USP7: variants seen among roughly 807,000 people sequenced by gnomAD.
The protein encoded by USP7 is ubiquitin specific peptidase 7.
A neutral mutation model predicts 162.9 loss-of-function variants in USP7; 9 were observed. That is an observed-to-expected ratio of 0.06 (90% confidence interval 0.03 to 0.10). The LOEUF is 0.10. Ranked by LOEUF, USP7 falls within the 10% of genes least tolerant of loss-of-function variation. The pLI is 1.00. For synonymous variants in USP7, 562 were observed against 475.9 expected, an observed-to-expected ratio of 1.18 and a Z score of -2.35; for missense variants, 715 against 1,373.7, an observed-to-expected ratio of 0.52 and a Z score of 7.58.
intron 4 of USP7, 50 bp downstream of exon 4, chr16:8,921,107 C>A (rs755336658): frequency 5.1e-6 from 8 of 1,564,764 alleles, no homozygotes; most frequent in South Asian, 1.2e-5. Context: ...GTTAAGGGAA[C>A]AACAAGCAGT....
Position 8,934,529 on chromosome 16 carries a change from T to C in USP7, c.80-4132A>G, listed in dbSNP as rs545898856. On this transcript the variant is annotated intron_variant, in intron 1 of 30. Transcript: ENST00000344836. ...AGCAGTGGGATTAATTGCAGTGTGA[T>C]GACTAAAGAAAGCCTATTATTTTCT... 4.6e-5 allele frequency among the ~76,000 whole-genome samples: 7 copies of C among 152,354 alleles called. No homozygotes were observed. In the South Asian group the frequency reaches 1.4e-3, roughly 32 times the overall value.
chr16:8,904,359 GCTGA>G, intron 15 of USP7, 72 bp downstream of exon 15: 2 of 1,573,846 alleles, frequency 1.3e-6, no homozygotes, highest in Non-Finnish European at 1.7e-6. Context: ...AGGGGTGGGG[GCTGA>G]CCTGCACTTG....
intron 5 of USP7, among the ~76,000 whole-genome samples, 170 bp from the exon 6 acceptor site, chr16:8,919,309 G>C (rs1390472710): frequency 1.3e-5 from 2 of 151,908 alleles, no homozygotes; most frequent in African/African-American, 4.8e-5. Flanking sequence ...TCCAGTGTGT[G>C]AACTGGTGCA....
At chr16:8,896,900 G>A (rs1201831070) in intron 26 of USP7, 99 bp downstream of exon 26, 12 of 902,740 alleles carry the variant, frequency 1.3e-5, no homozygotes, top group Non-Finnish European at 2.0e-5. Context: ...TGACGCGCAT[G>A]GATCCCAGCT....
At chr16:8,932,053 T>C (rs1328269517) in intron 1 of USP7, among the ~76,000 whole-genome samples, 2 of 152,126 alleles carry the variant, frequency 1.3e-5, no homozygotes, top group Non-Finnish European at 2.9e-5. Flanking sequence ...GACAGTGCCA[T>C]GCTCACCTCC....
intron 11 of USP7, among the ~76,000 whole-genome samples, chr16:8,908,928 A>G (rs2061900989): frequency 6.6e-6 from 1 of 152,262 alleles, no homozygotes; most frequent in Admixed American, 6.5e-5. Flanking sequence ...CGGCAGGATT[A>G]TAAGCTTCCT....
At chr16:8,947,236 CCT>C (rs1366108165) in intron 1 of USP7, among the ~76,000 whole-genome samples, 12 of 151,172 alleles carry the variant, frequency 7.9e-5, no homozygotes, top group Admixed American at 4.0e-4. Flanking sequence ...CAATGCCATT[CCT>C]CTCAATACAC....
intron 10 of USP7, among the ~76,000 whole-genome samples, chr16:8,913,355 C>T (rs1360065528): frequency 6.6e-6 from 1 of 151,776 alleles, no homozygotes; most frequent in African/African-American, 2.4e-5. Context: ...GACTCCCTCT[C>T]AAAAAGAGGA....
At chr16:8,938,760 GATT>G (rs1370417152) in intron 1 of USP7, among the ~76,000 whole-genome samples, 1 of 151,538 alleles carries the variant, frequency 6.6e-6, no homozygotes, top group African/African-American at 2.4e-5. Flanking sequence ...AACATGTACA[GATT>G]TTTTTCTGTG....
At chr16:8,914,928 TAAAC>T (rs1258851386) in intron 10 of USP7, among the ~76,000 whole-genome samples, 1 of 152,116 alleles carries the variant, frequency 6.6e-6, no homozygotes, top group Non-Finnish European at 1.5e-5. Flanking sequence ...AACAGCGAAA[TAAAC>T]AAACAAATAC....
chr16:8,938,162 C>T (rs918030816), intron 1 of USP7, among the ~76,000 whole-genome samples: 1 of 152,170 alleles, frequency 6.6e-6, no homozygotes, highest in Non-Finnish European at 1.5e-5. Context: ...AGGCACGACA[C>T]TCCGAGAAGG....
chr16:8,906,768 A>G (rs929359517), intron 12 of USP7, among the ~76,000 whole-genome samples, 186 bp from the exon 13 acceptor site: 1 of 152,232 alleles, frequency 6.6e-6, no homozygotes, highest in South Asian at 2.1e-4. Context: ...CCTAGTCAAC[A>G]TAAATATACA....
chr16:8,938,548 T>C (rs961910374), intron 1 of USP7, among the ~76,000 whole-genome samples: 4 of 151,848 alleles, frequency 2.6e-5, no homozygotes, highest in East Asian at 3.9e-4. Context: ...CCGTCTCTAC[T>C]GAAAATACAA....
At chr16:8,954,215 G>C (rs898849499) in intron 1 of USP7, among the ~76,000 whole-genome samples, 4 of 148,902 alleles carry the variant, frequency 2.7e-5, no homozygotes, top group Admixed American at 6.7e-5. Context: ...TGCCCCCTGC[G>C]GCGCCACTGG....
chr16:8,899,550 A>G lies in USP7; in HGVS notation c.2463+54T>C, dbSNP rs1596352719. 6.7e-5 allele frequency: 107 copies of G among 1,595,382 alleles called. 1 individual carries two copies. In the East Asian group the frequency reaches 2.4e-3, roughly 35 times the overall value. Reference sequence around the variant, plus strand: ...TTCTTCAACAAGCATTTTAAGAAAGAAATTTGTCTTTCTGGAGTGGGATCT... The same window carrying G: ...TTCTTCAACAAGCATTTTAAGAAAGGAATTTGTCTTTCTGGAGTGGGATCT... On this transcript the variant is annotated intron_variant, in intron 22 of 30. Transcript: ENST00000344836.
chr16:8,958,828 TAC>T (rs1433866055), intron 1 of USP7, among the ~76,000 whole-genome samples: 3 of 152,240 alleles, frequency 2.0e-5, no homozygotes, highest in Non-Finnish European at 4.4e-5. Context: ...CTCAAAATAT[TAC>T]ACTTTTAATA....
chr16:8,939,585 T>C (rs777039573), intron 1 of USP7, among the ~76,000 whole-genome samples: 25 of 152,194 alleles, frequency 1.6e-4, no homozygotes, highest in African/African-American at 3.9e-4. Flanking sequence ...AATGCAGACA[T>C]AGATAAGGAG....
intron 1 of USP7, among the ~76,000 whole-genome samples, chr16:8,955,230 A>T (rs1462369187): frequency 6.6e-6 from 1 of 152,196 alleles, no homozygotes; most frequent in Non-Finnish European, 1.5e-5. Context: ...TTTACATATT[A>T]ATCTGTTTGC....
At chr16:8,949,079 G>A (rs1003108427) in intron 1 of USP7, among the ~76,000 whole-genome samples, 3 of 152,196 alleles carry the variant, frequency 2.0e-5, no homozygotes, top group South Asian at 4.1e-4. Context: ...AAATGTGCTC[G>A]AATTGAATGC....
Sources: allele counts gnomAD v4.1 joint callset (sites outside exome capture counted in the v4.1 genomes callset), GRCh38; gene constraint gnomAD v4.1.1; transcripts MANE v1.5; gene names NCBI Gene and HGNC (gene_info 2026-07-23, HGNC 2026-07-21).